Variants in UBR4 observed in about 807,000 individuals in gnomAD.
The protein encoded by UBR4 is E3 ubiquitin-protein ligase UBR4.
Under a neutral mutation model 575.6 loss-of-function variants are expected in UBR4, and 124 were observed. That is an observed-to-expected ratio of 0.22 (90% CI 0.19 to 0.25). The LOEUF (loss-of-function observed/expected upper bound fraction) is 0.25. Ranked by LOEUF, UBR4 falls within the 10% of genes least tolerant of loss-of-function variation. The pLI is 1.00. For synonymous variants in UBR4, 2,455 were observed against 2,473.7 expected (o/e 0.99, Z 0.22); for missense variants, 4,818 against 6,478.8 (o/e 0.74, Z 8.80).
chr1:19,154,091 A>T, intron 44 of UBR4, 152 bp from the exon 45 acceptor site: 1 of 871,476 alleles, frequency 1.1e-6, no homozygotes, highest in Admixed American at 2.8e-5. Flanking sequence ...GTTTTATTCC[A>T]AGCCATGCAC....
At chr1:19,101,175 A>C (rs950104708) in intron 88 of UBR4, among the ~76,000 whole-genome samples, 2 of 152,226 alleles carry the variant, frequency 1.3e-5, no homozygotes, top group Non-Finnish European at 2.9e-5. Context: ...GGAAGAGAGT[A>C]AAAATATCTT....
chr1:19,112,946 T>C, intron 77 of UBR4, 79 bp from the exon 78 acceptor site: 1 of 1,459,632 alleles, frequency 6.9e-7, no homozygotes, highest in Non-Finnish European at 9.2e-7. Context: ...TTAGTTTTGC[T>C]TTAGAAAAAA....
Position 19,156,367 on chromosome 1 carries a change from C to G in UBR4, c.5976G>C (p.Leu1992Phe). ...AGTTCCCCGTTGCCAACTGAGGGTG[C>G]AAAACCAAGTGATCCGAAACAGAGC... ...SSGSVSDHLV[L>F]HPQLATGNFI... Residue 1992 changes from leucine to phenylalanine, a missense_variant, in exon 42 of 106, where the codon TTG (leucine) becomes TTC (phenylalanine). Transcript: ENST00000375254. 6.2e-7 allele frequency: 1 copy of G among 1,614,154 alleles called. No homozygotes were observed. Among genetic ancestry groups the G allele is most frequent in the Non-Finnish European group, 8.5e-7 (1 of 1,180,012 alleles).
At chr1:19,155,724 A>C in intron 42 of UBR4, 56 bp from the exon 43 acceptor site, 1 of 1,468,846 alleles carries the variant, frequency 6.8e-7, no homozygotes, top group Non-Finnish European at 9.5e-7. Flanking sequence ...CCATCCCCCA[A>C]ATATCTTAGT....
At chr1:19,127,163 A>T (rs913087708) in intron 63 of UBR4, among the ~76,000 whole-genome samples, 3 of 152,194 alleles carry the variant, frequency 2.0e-5, no homozygotes, top group African/African-American at 7.2e-5. Context: ...CCATTAGAAG[A>T]GCCTTGCAAA....
intron 1 of UBR4, among the ~76,000 whole-genome samples, chr1:19,203,530 G>A (rs1228201904): frequency 2.0e-5 from 3 of 151,544 alleles, no homozygotes; most frequent in African/African-American, 4.9e-5. Context: ...ATCCTAAGAA[G>A]GGAAATGTAA....
intron 8 of UBR4, among the ~76,000 whole-genome samples, chr1:19,195,627 A>G (rs1188226469): frequency 6.6e-6 from 1 of 152,204 alleles, no homozygotes; most frequent in Non-Finnish European, 1.5e-5. Context: ...ACTGGAAATT[A>G]GCTATGAGAG....
intron 8 of UBR4, among the ~76,000 whole-genome samples, chr1:19,193,911 T>C (rs2092288756): frequency 6.6e-6 from 1 of 152,180 alleles, no homozygotes; most frequent in Non-Finnish European, 1.5e-5. Flanking sequence ...AGGAACTATA[T>C]GCATACTGCT....
intron 59 of UBR4, among the ~76,000 whole-genome samples, 170 bp downstream of exon 59, chr1:19,138,913 C>T (rs1342786480): frequency 6.6e-6 from 1 of 152,132 alleles, no homozygotes; most frequent in Non-Finnish European, 1.5e-5. Flanking sequence ...ATTTGAAACT[C>T]GAAAACTGAG....
Position 19,094,111 on chromosome 1 carries a change from T to A in UBR4, c.13775A>T (p.Asp4592Val), listed in dbSNP as rs1203103498. The change falls in exon 95 of 106, where the codon GAT (aspartate) becomes GTT (valine). Residue 4592 changes from aspartate (D) to valine (V), a missense_variant. Transcript: ENST00000375254. ...CTGGTCCAAGAGCATCACCAGTTGA[T>A]CCTTGTCACCTGTCAGGAGGAGGTT... ...KGNLLLTGDK[D>V]QLVMLLDQIN... The A allele has an allele frequency of 6.2e-7, 1 of 1,613,848 alleles. No homozygotes were observed. The highest frequency in any genetic ancestry group is 1.7e-4 in the Middle Eastern group (1 of 6,058).
At chr1:19,103,400 A>G (rs1247181499) in intron 87 of UBR4, among the ~76,000 whole-genome samples, 1 of 152,166 alleles carries the variant, frequency 6.6e-6, no homozygotes, top group African/African-American at 2.4e-5. Context: ...TCCCGTCTCT[A>G]CTAAAAATAC....
Position 19,094,909 on chromosome 1 carries a change from G to C in UBR4, c.13743C>G (p.Asp4581Glu), listed in dbSNP as rs2077881470. ...DESNAEPLSEDKGNLLLTGDK... is the reference protein window; with the variant it reads ...DESNAEPLSEEKGNLLLTGDK... Reference sequence around the variant, plus strand: ...GGAGGGGCCGAGCCCCACTCACCTTGTCCTCACTCAGGGGCTCAGCATTGG... The same window carrying C: ...GGAGGGGCCGAGCCCCACTCACCTTCTCCTCACTCAGGGGCTCAGCATTGG... Residue 4581 changes from aspartate to glutamate, a missense_variant, in exon 94 of 106, where the codon GAC becomes GAG. Asp to Glu is a conservative substitution (Grantham distance 45). Around this residue, in one of 29 missense-constraint regions of UBR4, gnomAD observed 165 missense variants for 282.3 expected, o/e 0.58. Coordinates refer to ENST00000375254, the MANE Select transcript of UBR4 (RefSeq NM_020765.3). 2 of 1,613,336 alleles carry C rather than the reference G, an allele frequency of 1.2e-6. No individual in the cohort carries two copies. The highest frequency in any genetic ancestry group is 1.7e-5 in the Admixed American group (1 of 60,010).
At chr1:19,192,097 C>T (rs1033320853) in intron 11 of UBR4, 91 bp downstream of exon 11, 2 of 1,452,508 alleles carry the variant, frequency 1.4e-6, no homozygotes, top group Non-Finnish European at 1.8e-6. Flanking sequence ...GGCAAATTTT[C>T]CTATTGATAT....
In UBR4 at chr1:19,168,180, T is replaced by C. The variant is rs763860407; in HGVS notation, c.3746A>G (p.Asn1249Ser). ...NEFPNIGSWR[N>S]AFANDTIPSE... ...AGGGATGGTGTCATTGGCAAAGGCA[T>C]TGCGCTGAAAGGAAGCAAAGCAGAT... The change falls in exon 28 of 106, where the codon AAT (asparagine) becomes AGT (serine). Residue 1249 changes from asparagine to serine, a missense_variant. This residue lies in a region of UBR4 where 1,172 missense variants were observed against 1,259.7 expected (regional missense o/e 0.93). Coordinates refer to ENST00000375254, the MANE Select transcript of UBR4 (RefSeq NM_020765.3). 11 of 1,580,194 alleles carry C rather than the reference T, an allele frequency of 7.0e-6. No individual in the cohort carries two copies. The highest frequency in any genetic ancestry group is 3.4e-5 in the South Asian group (3 of 88,350).
At chr1:19,127,562 T>G in intron 63 of UBR4, 61 bp downstream of exon 63, 1 of 1,339,044 alleles carries the variant, frequency 7.5e-7, no homozygotes, top group Non-Finnish European at 1.1e-6. Context: ...GTGCTGGCCC[T>G]AGCACTACCC....
rs986407205 is a variant in UBR4, at chr1:19,179,304, T to C, written c.2185-84A>G. ...GTTACTCATGTTCTCAAACGTTTGT[T>C]TGTTTAATATTGAACAGAATATTTT... On this transcript the variant is annotated intron_variant, in intron 17 of 105. Coordinates refer to ENST00000375254, the MANE Select transcript of UBR4 (RefSeq NM_020765.3). 5.2e-6 allele frequency: 7 copies of C among 1,345,858 alleles called. No individual in the cohort carries two copies. The African/African-American group carries it at 1.0e-4, about 20-fold the overall frequency. The allele number at this position is 1,345,858 out of a possible 1,614,324, so 83.4% of individuals were successfully genotyped here.
intron 97 of UBR4, among the ~76,000 whole-genome samples, chr1:19,091,578 C>T (rs2077515561): frequency 6.6e-6 from 1 of 152,202 alleles, no homozygotes; most frequent in Non-Finnish European, 1.5e-5. Context: ...AGACGTTCAA[C>T]ATCATGAACC....
Position 19,139,132 on chromosome 1 carries a change from G to GT in UBR4, c.8681_8682insA (p.Ser2895LeufsTer30), listed in dbSNP as rs2083538017. On this transcript the variant is annotated frameshift_variant, in exon 59 of 106. Transcript: ENST00000375254. LOFTEE classifies it high-confidence loss of function. This position sits in a 1 kb window ranked among gnomAD's most constrained non-coding sequence, Gnocchi z 4.2. The stretch of plus-strand genomic sequence containing the variant: ...CCACTGCACTGCCCCCGCTCTCCGA[G>GT]CCCACACTACCACCGTGGTCAGCAG... 1 of 1,613,776 alleles carries GT rather than the reference G, an allele frequency of 6.2e-7. No homozygotes were observed. Among genetic ancestry groups the GT allele is most frequent in the Non-Finnish European group, 8.5e-7 (1 of 1,179,908 alleles).
intron 2 of UBR4, among the ~76,000 whole-genome samples, chr1:19,200,759 T>C (rs2092708149): frequency 6.6e-6 from 1 of 152,238 alleles, no homozygotes; most frequent in African/African-American, 2.4e-5. Flanking sequence ...TATTGGACAC[T>C]GAAGGATTCC....
Sources: gnomAD v4.1 joint callset for allele counts (sites outside exome capture counted in the v4.1 genomes callset) on GRCh38, gnomAD v4.1.1 for gene constraint, gnomAD v4.1.1 regional missense constraint, Gnocchi (gnomAD v3.1) non-coding constraint, MANE v1.5 for transcripts, NCBI Gene and HGNC (gene_info 2026-07-23, HGNC 2026-07-21) for gene names.